Variants in NOTCH3 observed in about 807,000 individuals in gnomAD.
NOTCH3 encodes neurogenic locus notch homolog protein 3.
Under a neutral mutation model 213.3 loss-of-function variants are expected in NOTCH3, and 86 were observed. The ratio of observed to expected loss-of-function variants is 0.40; its 90% CI spans 0.34 to 0.48. The LOEUF (loss-of-function observed/expected upper bound fraction) is 0.48. Ranked by LOEUF, NOTCH3 falls within the 20% of genes least tolerant of loss-of-function variation. The probability of loss-of-function intolerance (pLI) is 0.57; values close to 1 mark genes in which losing one functional copy is unlikely to be tolerated. For synonymous variants in NOTCH3, 1,354 were observed against 1,355.9 expected (o/e 1.00, Z 0.03); for missense variants, 2,783 against 3,272.6 (o/e 0.85, Z 3.65).
rs892271377 is a variant in NOTCH3 at position 15,177,066 on chromosome 19, C to A, written c.4403+459G>T. 4.1e-5 allele frequency among the ~76,000 whole-genome samples: 4 copies of A among 98,214 alleles called. No homozygotes were observed. In the Admixed American group the frequency reaches 4.4e-4, roughly 11 times the overall value. 64.4% of individuals were successfully genotyped at this position (98,214 alleles called of 152,430 possible). A position where few individuals can be genotyped will look rare whatever the true frequency, so the allele number is the denominator to read the frequency against. On this transcript the variant is annotated intron_variant, in intron 24 of 32. Transcript: ENST00000263388. ...CAGTCTGGGCAAGAGAGCGAGACTC[C>A]GTCTTAAAAAAAAAAAAAAAAAAAA...
In NOTCH3 at chr19:15,179,376, G is replaced by A. The variant is rs1337527315; in HGVS notation, c.3448C>T (p.Pro1150Ser). The change falls in exon 21 of 33, where the codon CCA (proline) becomes TCA (serine). Residue 1150 changes from proline (P) to serine (S), a missense_variant. Transcript: ENST00000263388. ...LVARYLCSCP[P>S]GTLGVLCEIN... Reference sequence around the variant, plus strand: ...GGCCCTGGCATACCCAGCGTTCCTGGGGGACAGGAGCAGAGATAGCGGGCC... The same window carrying A: ...GGCCCTGGCATACCCAGCGTTCCTGAGGGACAGGAGCAGAGATAGCGGGCC... 1 of 1,613,998 alleles carries A rather than the reference G, an allele frequency of 6.2e-7. No homozygotes were observed. Among genetic ancestry groups the A allele is most frequent in the East Asian group, 2.2e-5 (1 of 44,894 alleles).
chr19:15,173,110 T>TC (rs1568351375), intron 25 of NOTCH3, among the ~76,000 whole-genome samples: 2 of 22,564 alleles, frequency 8.9e-5, no homozygotes, highest in African/African-American at 8.8e-4. Context: ...TCTTCTTTTT[T>TC]TTTTTTTTTT....
Position 15,170,189 on chromosome 19 carries a change from AG to A in NOTCH3, c.5115-20del, listed in dbSNP as rs2046719776. 2.6e-6 allele frequency: 4 copies of A among 1,562,544 alleles called. No individual in the cohort carries two copies. The highest frequency in any genetic ancestry group is 3.5e-6 in the Non-Finnish European group (4 of 1,140,218). Reference sequence around the variant, plus strand: ...CATGTTCCTGGCGGACAATGGGAAGAGGGGATGTGAGGGGGACACTAGAGGT... The same window carrying A: ...CATGTTCCTGGCGGACAATGGGAAGAGGGATGTGAGGGGGACACTAGAGGT... On this transcript the variant is annotated intron_variant, in intron 27 of 32. Transcript: ENST00000263388.
chr19:15,161,056 G>C lies in NOTCH3; in HGVS notation c.6572C>G (p.Pro2191Arg). 5 of 1,538,672 alleles carry C rather than the reference G, an allele frequency of 3.2e-6. No individual in the cohort carries two copies. Among genetic ancestry groups the C allele is most frequent in the Non-Finnish European group, 4.4e-6 (5 of 1,145,766 alleles). ...CCCTGGGTTGAGCAGCTGGGGTCCC[G>C]GCGCCAGTGGCAGCAGGAACGAGGG... ...PGPSFLLPLA[P>R]GPQLLNPGTP... Residue 2191 changes from proline (P) to arginine (R), a missense_variant, in exon 33 of 33, where the codon CCG becomes CGG. By Grantham distance (103) the Pro-to-Arg change is moderately radical (BLOSUM62 -2). Around this residue, in one of 6 missense-constraint regions of NOTCH3, gnomAD observed 441 missense variants for 432.1 expected, o/e 1.02. Coordinates refer to ENST00000263388, the MANE Select transcript of NOTCH3 (RefSeq NM_000435.3).
chr19:15,187,355 G>A lies in NOTCH3; in HGVS notation c.1607-17C>T, dbSNP rs2145433483. ...CCTCAAAGCCTGTGGGGCCAAGAGG[G>A]TCAGGCTCCGCCCACTTGCCAGGGG... On this transcript the variant is annotated splice_polypyrimidine_tract_variant and intron_variant, in intron 10 of 32. Coordinates refer to ENST00000263388, the MANE Select transcript of NOTCH3 (RefSeq NM_000435.3). The A allele has an allele frequency of 1.9e-6, 3 of 1,608,390 alleles. No homozygotes were observed. Among genetic ancestry groups the A allele is most frequent in the East Asian group, 2.2e-5 (1 of 44,810 alleles).
chr19:15,197,441 G>GCGCCC, intron 2 of NOTCH3, 59 bp downstream of exon 2: 68 of 768,314 alleles, frequency 8.9e-5, no homozygotes, highest in East Asian at 1.4e-4. Context: ...AAGACAAATC[G>GCGCCC]CCCCTCCCCC....
At position 15,161,317 on chromosome 19, in the gene NOTCH3, G is replaced by A. The variant is rs1408330704; in HGVS notation, c.6311C>T (p.Ser2104Leu). 14 of 1,525,878 alleles carry A rather than the reference G, an allele frequency of 9.2e-6. No homozygotes were observed. Among genetic ancestry groups the A allele is most frequent in the South Asian group, 1.2e-5 (1 of 81,080 alleles). The allele number at this position is 1,525,878 out of a possible 1,614,324, so 94.5% of individuals were successfully genotyped here. The change falls in exon 33 of 33, where the codon TCG becomes TTG. Residue 2104 changes from serine to leucine, a missense_variant. Ser to Leu is a moderately radical substitution (Grantham distance 145, BLOSUM62 -2). Transcript: ENST00000263388. Reference protein sequence around the residue: ...DSSVTLSPVDSLDSPRPFGGP... With the variant: ...DSSVTLSPVDLLDSPRPFGGP... ...ACCGAAAGGCCGCGGGGAGTCCAGC[G>A]AGTCCACGGGCGACAGCGTGACCGA... is the stretch of plus-strand genomic sequence containing the variant.
chr19:15,188,082 C>A (rs2046898687), intron 9 of NOTCH3, 88 bp from the exon 10 acceptor site: 3 of 1,141,800 alleles, frequency 2.6e-6, no homozygotes, highest in East Asian at 2.6e-5. Flanking sequence ...GGTGGAAAAA[C>A]CCATTTACTT....
chr19:15,185,488 C>T lies in NOTCH3; in HGVS notation c.2143G>A (p.Gly715Arg), dbSNP rs770235584. 12 of 1,612,838 alleles carry T rather than the reference C, an allele frequency of 7.4e-6. No homozygotes were observed. Among genetic ancestry groups the T allele is most frequent in the Non-Finnish European group, 1.0e-5 (12 of 1,179,564 alleles). ...TCTGAGGCTGAGAAGGGCCCTCACC[C>T]GCCAGGTGCATCATAGCAGATGCCG... ...SHGICYDAPG[G>R]FRCVCEPGWS... Residue 715 changes from glycine to arginine, a missense_variant and splice_region_variant, in exon 13 of 33, where the codon GGG becomes AGG. Coordinates refer to ENST00000263388, the MANE Select transcript of NOTCH3 (RefSeq NM_000435.3). The surrounding 1 kb of genome is among the most constrained non-coding windows in gnomAD (Gnocchi z 4.2).
Position 15,161,430 on chromosome 19 carries a change from G to A in NOTCH3, c.6198C>T (p.Pro2066=), listed in dbSNP as rs1424481807. 1 of 1,536,726 alleles carries A rather than the reference G, an allele frequency of 6.5e-7. No homozygotes were observed. The highest frequency in any genetic ancestry group is 1.2e-5 in the South Asian group (1 of 83,480). ...GCGGCCCCAGCCCCGCCTTCCCGGG[G>A]GGCCTCCTGCTCTTCTTGGACCCCG... ...AQSGSKKSRR[P]PGKAGLGPQG... The change falls in exon 33 of 33, where the codon CCC becomes CCT. Residue 2066 remains proline, a synonymous_variant. Transcript: ENST00000263388.
chr19:15,197,441 G>GCGCCCCCCCCCCCCCCC, intron 2 of NOTCH3, 59 bp downstream of exon 2: 12 of 768,360 alleles, frequency 1.6e-5, no homozygotes, highest in Admixed American at 2.0e-5. Context: ...AAGACAAATC[G>GCGCCCCCCCCCCCCCCC]CCCCTCCCCC....
chr19:15,175,762 G>C (rs2046785097), intron 24 of NOTCH3, among the ~76,000 whole-genome samples: 2 of 151,288 alleles, frequency 1.3e-5, no homozygotes, highest in African/African-American at 4.9e-5. Context: ...GAGCCATGTG[G>C]GGGAAGGGAA....
chr19:15,174,388 C>T lies in NOTCH3; in HGVS notation c.4416G>A (p.Glu1472=), dbSNP rs765242757. The change falls in exon 25 of 33, where the codon GAG becomes GAA. Residue 1472 remains glutamate (E), a synonymous_variant. Transcript: ENST00000263388. ...CGGCAAAGTGGTCGGCGCAGTACTT[C>T]TCGTACACCGGGCTGGTGGGGAAGG... ...GRERTCNPVY[E]KYCADHFADG... 2.6e-6 allele frequency: 4 copies of T among 1,528,108 alleles called. No homozygotes were observed. Among genetic ancestry groups the T allele is most frequent in the Non-Finnish European group, 3.5e-6 (4 of 1,132,010 alleles). 94.7% of individuals were successfully genotyped at this position (1,528,108 alleles called of 1,614,324 possible). A position where few individuals can be genotyped will look rare whatever the true frequency, so the allele number is the denominator to read the frequency against.
chr19:15,186,375 TTGTATGTGTGTGTGTG>T (rs1382494882), intron 12 of NOTCH3, among the ~76,000 whole-genome samples: 5 of 123,206 alleles, frequency 4.1e-5, no homozygotes, highest in Admixed American at 8.8e-5. Flanking sequence ...TTGTTTGTTT[TTGTATGTGTGTGTGTG>T]TGTGTGTGTG....
At position 15,181,679 on chromosome 19, in the gene NOTCH3, C is replaced by T; in HGVS notation, c.2689G>A (p.Gly897Ser). 1 of 1,556,672 alleles carries T rather than the reference C, an allele frequency of 6.4e-7. No homozygotes were observed. Among genetic ancestry groups the T allele is most frequent in the Non-Finnish European group, 8.7e-7 (1 of 1,149,976 alleles). Residue 897 changes from glycine to serine, a missense_variant, in exon 17 of 33, where the codon GGC becomes AGC. Coordinates refer to ENST00000263388, the MANE Select transcript of NOTCH3 (RefSeq NM_000435.3). ...ACGTGGTCGGTACAGGTGCCCGGGCCGCAGGGGTTGCTCAGGCACTCATCC... is the reference window on the plus strand; with the variant it reads ...ACGTGGTCGGTACAGGTGCCCGGGCTGCAGGGGTTGCTCAGGCACTCATCC... The part of the protein sequence containing the change: ...DVDECLSNPC[G>S]PGTCTDHVAS...
At chr19:15,187,856 T>C in intron 10 of NOTCH3, 25 bp downstream of exon 10, 2 of 1,531,364 alleles carry the variant, frequency 1.3e-6, no homozygotes, top group Non-Finnish European at 1.8e-6. Context: ...CTGATTCTTG[T>C]CGGACTGTCA....
intron 20 of NOTCH3, 36 bp from the exon 21 acceptor site, chr19:15,179,532 G>C (rs2145419284): frequency 6.2e-7 from 1 of 1,611,790 alleles, no homozygotes. Flanking sequence ...ACTCAGCTTA[G>C]TGGGACACAG....
At position 15,172,430 on chromosome 19, in the gene NOTCH3, T is replaced by TC. The variant is rs569798740; in HGVS notation, c.4737-1606dup. On this transcript the variant is annotated intron_variant, in intron 25 of 32. Transcript: ENST00000263388. ...TGCAAGCTCCAAAATGACCTGTTTT[T>TC]CACTTTGTGGCCCTATCACTCAGCT... Among the ~76,000 whole-genome samples, 815 of 152,242 alleles carry TC rather than the reference T, an allele frequency of 5.4e-3. 4 individuals carry two copies. Among genetic ancestry groups the TC allele is most frequent in the Non-Finnish European group, 8.8e-3 (601 of 68,018 alleles).
chr19:15,162,592 C>T, intron 31 of NOTCH3, 30 bp from the exon 32 acceptor site: 2 of 1,585,138 alleles, frequency 1.3e-6, no homozygotes, highest in Non-Finnish European at 1.7e-6. Context: ...GAGGTCAGGA[C>T]CAGGCACCTG....
Sources: gnomAD v4.1 joint callset for allele counts (sites outside exome capture counted in the v4.1 genomes callset) on GRCh38, gnomAD v4.1.1 for gene constraint, gnomAD v4.1.1 regional missense constraint, Gnocchi (gnomAD v3.1) non-coding constraint, MANE v1.5 for transcripts, NCBI Gene and HGNC (gene_info 2026-07-23, HGNC 2026-07-21) for gene names.